MAEL: variants seen among roughly 807,000 people sequenced by gnomAD.
MAEL encodes the protein protein maelstrom homolog.
A neutral mutation model predicts 62.0 loss-of-function variants in MAEL; 46 were observed. That is an observed-to-expected ratio of 0.74 (90% confidence interval 0.59 to 0.95). MAEL has a LOEUF of 0.95. MAEL is among the 40% of genes least tolerant of loss of function. The pLI is 0.00. For synonymous variants in MAEL, 172 were observed against 175.5 expected (o/e 0.98, Z 0.16); for missense variants, 497 against 526.8 (o/e 0.94, Z 0.55).
chr1:167,002,945 T>C (rs1664739574), intron 5 of MAEL, among the ~76,000 whole-genome samples: 1 of 151,956 alleles, frequency 6.6e-6, no homozygotes, highest in African/African-American at 2.4e-5. Context: ...CAGATTCAGC[T>C]CTCTAAGATT....
intron 5 of MAEL, among the ~76,000 whole-genome samples, chr1:167,001,502 A>G (rs1255416137): frequency 1.3e-5 from 2 of 152,234 alleles, no homozygotes; most frequent in African/African-American, 2.4e-5. Flanking sequence ...TTTAGCAATA[A>G]AATATTTTTA....
At chr1:167,006,640 T>TATACACA (rs1491525744) in intron 8 of MAEL, among the ~76,000 whole-genome samples, 2 of 86,002 alleles carry the variant, frequency 2.3e-5, no homozygotes, top group Non-Finnish European at 5.3e-5. Context: ...TATATATACA[T>TATACACA]TTTTTTTTTT....
intron 11 of MAEL, 54 bp from the exon 12 acceptor site, chr1:167,021,614 G>A: frequency 1.6e-6 from 2 of 1,251,488 alleles, no homozygotes; most frequent in Non-Finnish European, 2.2e-6. Context: ...GCATCTCTTT[G>A]TAATAAAATT....
chr1:167,005,312 C>A lies in MAEL; in HGVS notation c.760C>A (p.Gln254Lys), dbSNP rs1475703123. Residue 254 changes from glutamine (Q) to lysine (K), a missense_variant, in exon 8 of 12, where the codon CAA (glutamine) becomes AAA (lysine). Transcript: ENST00000367872. Reference sequence around the variant, plus strand: ...AGAGGACCTTGTAGTGGGGATCTACCAACAAAAATTTCTCAAGGAGCCCTC... The same window carrying A: ...AGAGGACCTTGTAGTGGGGATCTACAAACAAAAATTTCTCAAGGAGCCCTC... ...TVEDLVVGIY[Q>K]QKFLKEPSKT... The A allele has an allele frequency of 1.2e-6, 2 of 1,613,438 alleles. No homozygotes were observed. Among genetic ancestry groups the A allele is most frequent in the Non-Finnish European group, 1.7e-6 (2 of 1,179,624 alleles).
chr1:166,981,853 A>C (rs968418011), intron 1 of MAEL, among the ~76,000 whole-genome samples: 1 of 152,198 alleles, frequency 6.6e-6, no homozygotes, highest in Non-Finnish European at 1.5e-5. Flanking sequence ...TTTGGATGTA[A>C]TTCCACCGGC....
chr1:167,002,429 T>G (rs944909253), intron 5 of MAEL, among the ~76,000 whole-genome samples: 2 of 152,234 alleles, frequency 1.3e-5, no homozygotes, highest in Admixed American at 6.5e-5. Context: ...GGAGTTGATT[T>G]TATAGTCTGT....
chr1:166,984,694 T>C (rs918615732), upstream of MAEL, among the ~76,000 whole-genome samples: 2 of 152,220 alleles, frequency 1.3e-5, no homozygotes, highest in Non-Finnish European at 2.9e-5. Flanking sequence ...TTCACCTGAC[T>C]AGATACAGTA....
intron 5 of MAEL, among the ~76,000 whole-genome samples, chr1:166,997,986 T>C (rs958056770): frequency 3.9e-5 from 6 of 152,224 alleles, no homozygotes; most frequent in Non-Finnish European, 7.3e-5. Context: ...GTGCCACCTG[T>C]ATCATATCAT....
chr1:167,012,117 A>G (rs990856796), intron 8 of MAEL, among the ~76,000 whole-genome samples: 1 of 152,236 alleles, frequency 6.6e-6, no homozygotes, highest in East Asian at 1.9e-4. Flanking sequence ...TGTAGTATAC[A>G]ATAGAAACTG....
Position 166,983,739 on chromosome 1 carries a change from C to T in MAEL, c.-120-5662C>T, listed in dbSNP as rs559498678. On this transcript the variant is annotated intron_variant, in intron 1 of 12. Transcript: ENST00000622874. ...AAAGAAGGAGAGGAGCAGTGGCTCA[C>T]ACCTGTAATCCCAGCACTTTGAGAG... Among the ~76,000 whole-genome samples, 21 of 151,940 alleles carry T rather than the reference C, an allele frequency of 1.4e-4. No homozygotes were observed. In the South Asian group the frequency reaches 4.0e-3, roughly 29 times the overall value.
chr1:166,998,456 C>G (rs1030228637), intron 5 of MAEL, among the ~76,000 whole-genome samples: 2 of 152,122 alleles, frequency 1.3e-5, no homozygotes, highest in Non-Finnish European at 2.9e-5. Context: ...TTGGTAAACT[C>G]TTGAGTTTTT....
At chr1:167,004,450 G>T (rs2102097046) in intron 6 of MAEL, 146 bp downstream of exon 6, 1 of 684,018 alleles carries the variant, frequency 1.5e-6, no homozygotes, top group Non-Finnish European at 2.2e-6. Flanking sequence ...AATGTAATTA[G>T]GTATAGTGCC....
At chr1:166,988,666 A>G (rs1664009049), upstream of MAEL, among the ~76,000 whole-genome samples, 1 of 152,204 alleles carries the variant, frequency 6.6e-6, no homozygotes, top group Non-Finnish European at 1.5e-5. Flanking sequence ...TAATTTTTTA[A>G]AAGAAATTTT....
At chr1:167,002,106 C>T (rs143165563) in intron 5 of MAEL, among the ~76,000 whole-genome samples, 185 of 152,228 alleles carry the variant, frequency 1.2e-3, no homozygotes, top group African/African-American at 4.3e-3. Flanking sequence ...TAGTGTTAAA[C>T]GAACCTTGTC....
upstream of MAEL, among the ~76,000 whole-genome samples, chr1:166,986,661 C>T (rs894663455): frequency 7.2e-5 from 11 of 151,772 alleles, no homozygotes; most frequent in African/African-American, 2.7e-4. Context: ...ATCCAGCTCA[C>T]GCAGAGAAGG....
At chr1:166,989,275 CTG>C, upstream of MAEL, 1 of 1,531,306 alleles carries the variant, frequency 6.5e-7, no homozygotes, top group Non-Finnish European at 8.8e-7. Flanking sequence ...GCGCCTACCT[CTG>C]TTACTTAGGG....
chr1:166,977,317 T>C (rs1663623371), intron 1 of MAEL, among the ~76,000 whole-genome samples: 2 of 152,206 alleles, frequency 1.3e-5, no homozygotes, highest in Admixed American at 6.5e-5. Flanking sequence ...TCCTTTCATA[T>C]ACAGAAAAAT....
At chr1:166,986,572 G>A (rs1263936039), upstream of MAEL, among the ~76,000 whole-genome samples, 1 of 152,122 alleles carries the variant, frequency 6.6e-6, no homozygotes, top group African/African-American at 2.4e-5. Flanking sequence ...AAATTTATGG[G>A]TAACAGCAGA....
rs1664168273 is a variant in MAEL, at chr1:166,991,397, T to A, written c.245T>A (p.Leu82Gln). The A allele has an allele frequency of 1.2e-6, 2 of 1,612,656 alleles. No individual in the cohort carries two copies. Among genetic ancestry groups the A allele is most frequent in the Non-Finnish European group, 1.7e-6 (2 of 1,178,720 alleles). Reference protein sequence around the residue: ...SEKQKPVFTPLRRPGMLVPKQ... With the variant: ...SEKQKPVFTPQRRPGMLVPKQ... ...CTTTAGAAACCTGTTTTCACACCAC[T>A]GAGGAGGCCAGGCATGCTTGTACCA... is the stretch of plus-strand genomic sequence containing the variant. The change falls in exon 3 of 12, where the codon CTG (leucine) becomes CAG (glutamine). Residue 82 changes from leucine to glutamine, a missense_variant. Coordinates refer to ENST00000367872, the MANE Select transcript of MAEL (RefSeq NM_032858.3).
Sources: gnomAD v4.1 joint callset for allele counts (sites outside exome capture counted in the v4.1 genomes callset) on GRCh38, gnomAD v4.1.1 for gene constraint, MANE v1.5 for transcripts, NCBI Gene and HGNC (gene_info 2026-07-23, HGNC 2026-07-21) for gene names.